RPS8: variants seen among roughly 807,000 people sequenced by gnomAD.
RPS8 encodes ribosomal protein S8.
For missense variants in RPS8, 141 were observed against 269.7 expected (o/e 0.52, Z 3.34); for synonymous variants, 100 against 100.7 (o/e 0.99, Z 0.04).
At chr1:44,776,954 T>TA (rs564989935) in intron 3 of RPS8, 180 bp downstream of exon 3, 2,276 of 498,468 alleles carry the variant, frequency 4.6e-3, no homozygotes, top group East Asian at 7.9e-3. Flanking sequence ...AGACTCTCAG[T>TA]AAAAAAAAAG....
chr1:44,777,427 G>A (rs1650897014), intron 3 of RPS8, 187 bp from the exon 4 acceptor site: 1 of 601,276 alleles, frequency 1.7e-6, no homozygotes, highest in South Asian at 2.0e-5. Flanking sequence ...AAAGACTGCG[G>A]GTTGCCAAAC....
At chr1:44,776,588 C>T (rs748466752) in intron 2 of RPS8, 87 bp from the exon 3 acceptor site, 13 of 1,084,834 alleles carry the variant, frequency 1.2e-5, no homozygotes, top group Admixed American at 8.4e-5. Context: ...GTTACACTGA[C>T]TGTTGCCTCC....
At position 44,776,765 on chromosome 1, in the gene RPS8, G is replaced by A. The variant is rs1295087612; in HGVS notation, c.202G>A (p.Gly68Ser). ...GTTGGACGTGGGGAATTTCTCCTGG[G>A]GCTCAGAGTGTGAGTGAGGCCCTTT... Reference protein sequence around the residue: ...LRLDVGNFSWGSECCTRKTRI... With the variant: ...LRLDVGNFSWSSECCTRKTRI... The change falls in exon 3 of 6, where the codon GGC becomes AGC. Residue 68 changes from glycine (G) to serine (S), a missense_variant. By Grantham distance (56) the Gly-to-Ser change is moderately conservative. Coordinates refer to ENST00000396651, the MANE Select transcript of RPS8 (RefSeq NM_001012.2). The A allele has an allele frequency of 6.2e-7, 1 of 1,608,808 alleles. No individual in the cohort carries two copies. The highest frequency in any genetic ancestry group is 1.1e-5 in the South Asian group (1 of 90,700).
chr1:44,775,898 C>A, intron 1 of RPS8, 136 bp from the exon 2 acceptor site: 1 of 878,502 alleles, frequency 1.1e-6, no homozygotes, highest in Non-Finnish European at 2.0e-6. Context: ...GCTGCATACT[C>A]CCGAGTGCGC....
chr1:44,777,021 C>T, intron 3 of RPS8: 1 of 404,932 alleles, frequency 2.5e-6, no homozygotes, highest in Non-Finnish European at 4.4e-6. Context: ...TGAAGTTTCT[C>T]CTTGCTGAAA....
intron 5 of RPS8, 140 bp downstream of exon 5, chr1:44,778,269 A>G: frequency 9.2e-7 from 1 of 1,089,214 alleles, no homozygotes; most frequent in Non-Finnish European, 1.4e-6. Flanking sequence ...CACAAAGGGG[A>G]ACGTTTGGTC....
At chr1:44,778,286 T>C in intron 5 of RPS8, 157 bp downstream of exon 5, 1 of 967,528 alleles carries the variant, frequency 1.0e-6, no homozygotes, top group Non-Finnish European at 1.7e-6. Flanking sequence ...GGTCACCCTA[T>C]TCGTATGAAG....
At chr1:44,777,510 C>T in intron 3 of RPS8, 104 bp from the exon 4 acceptor site, 2 of 884,888 alleles carry the variant, frequency 2.3e-6, no homozygotes, top group Middle Eastern at 2.3e-4. Context: ...GCTGAGAGTT[C>T]CCTTATTTCT....
intron 4 of RPS8, 41 bp downstream of exon 4, chr1:44,777,830 C>T (rs201608642): frequency 2.3e-4 from 372 of 1,603,272 alleles, no homozygotes; most frequent in Non-Finnish European, 3.0e-4. Flanking sequence ...GGAGGGCAGC[C>T]TGACTCCAGC....
chr1:44,776,182 C>T (rs1464683554), intron 2 of RPS8, 42 bp downstream of exon 2: 1 of 1,398,680 alleles, frequency 7.1e-7, no homozygotes, highest in Non-Finnish European at 9.8e-7. Flanking sequence ...AGGTCGCCTT[C>T]CCCCGCTCTC....
Position 44,778,746 on chromosome 1 carries a change from G to A in RPS8, c.*61G>A. 1 of 1,172,578 alleles carries A rather than the reference G, an allele frequency of 8.5e-7. No individual in the cohort carries two copies. The highest frequency in any genetic ancestry group is 2.4e-5 in the East Asian group (1 of 41,396). The allele number at this position is 1,172,578 out of a possible 1,614,324, so 72.6% of individuals were successfully genotyped here. A position where few individuals can be genotyped will look rare whatever the true frequency, so the allele number is the denominator to read the frequency against. ...TTTATTGTTTTGTTCCCACATTTAT[G>A]TTGCCTGAATATATGACTGTTTTCT... is the stretch of plus-strand genomic sequence containing the variant. On this transcript the variant is annotated 3_prime_UTR_variant, in exon 6 of 6. Transcript: ENST00000396651.
In RPS8 at chr1:44,776,050, C is replaced by T. The variant is rs1650838979; in HGVS notation, c.21C>T (p.Asn7=). Residue 7 remains asparagine, a synonymous_variant, in exon 2 of 6, where the codon AAC becomes AAT. Coordinates refer to ENST00000396651, the MANE Select transcript of RPS8 (RefSeq NM_001012.2). Reference sequence around the variant, plus strand: ...CACATGCAGGCATCTCTCGGGACAACTGGCACAAGCGCCGCAAAACCGGGG... The same window carrying T: ...CACATGCAGGCATCTCTCGGGACAATTGGCACAAGCGCCGCAAAACCGGGG... The part of the protein sequence containing the change: MGISRD[N]WHKRRKTGGK... The T allele has an allele frequency of 6.2e-7, 1 of 1,612,096 alleles. No individual in the cohort carries two copies. The highest frequency in any genetic ancestry group is 1.3e-5 in the African/African-American group (1 of 74,708).
At chr1:44,778,275 T>C in intron 5 of RPS8, 146 bp downstream of exon 5, 1 of 1,025,306 alleles carries the variant, frequency 9.8e-7, no homozygotes, top group East Asian at 2.4e-5. Context: ...GGGGAACGTT[T>C]GGTCACCCTA....
At chr1:44,776,316 A>T (rs968011210) in intron 2 of RPS8, among the ~76,000 whole-genome samples, 176 bp downstream of exon 2, 2 of 152,164 alleles carry the variant, frequency 1.3e-5, no homozygotes, top group African/African-American at 2.4e-5. Flanking sequence ...CAAAGAGGGA[A>T]TGCTCCCTCA....
At position 44,775,584 on chromosome 1, in the gene RPS8, C is replaced by A. The variant is rs772212068; in HGVS notation, c.-13C>A. 10 of 1,613,996 alleles carry A rather than the reference C, an allele frequency of 6.2e-6. No homozygotes were observed. The highest frequency in any genetic ancestry group is 1.7e-5 in the Admixed American group (1 of 60,010). On this transcript the variant is annotated 5_prime_UTR_variant, in exon 1 of 6. Coordinates refer to ENST00000396651, the MANE Select transcript of RPS8 (RefSeq NM_001012.2). ...GAATCTTTGCGGTTTCTCTTTCCAG[C>A]CAGCGCCGAGCGATGGGTGAGTGTC...
rs1013450256 is a variant in RPS8, at chr1:44,778,740, A to G, written c.*55A>G. On this transcript the variant is annotated 3_prime_UTR_variant, in exon 6 of 6. Coordinates refer to ENST00000396651, the MANE Select transcript of RPS8 (RefSeq NM_001012.2). ...AAGGTGTTTATTGTTTTGTTCCCAC[A>G]TTTATGTTGCCTGAATATATGACTG... The G allele has an allele frequency of 1.0e-4, 125 of 1,208,600 alleles. No individual in the cohort carries two copies. Among genetic ancestry groups the G allele is most frequent in the Non-Finnish European group, 1.4e-4 (122 of 843,750 alleles). The allele number at this position is 1,208,600 out of a possible 1,614,324, so 74.9% of individuals were successfully genotyped here.
In RPS8 at chr1:44,775,573, T is replaced by TC; in HGVS notation, c.-23dup. The TC allele has an allele frequency of 6.2e-7, 1 of 1,614,072 alleles. No homozygotes were observed. Among genetic ancestry groups the TC allele is most frequent in the Non-Finnish European group, 8.5e-7 (1 of 1,179,958 alleles). On this transcript the variant is annotated 5_prime_UTR_variant, in exon 1 of 6. Coordinates refer to ENST00000396651, the MANE Select transcript of RPS8 (RefSeq NM_001012.2). ...AACCGAACCGTGAATCTTTGCGGTT[T>TC]CTCTTTCCAGCCAGCGCCGAGCGAT... is the stretch of plus-strand genomic sequence containing the variant.
chr1:44,775,562 T>A lies in RPS8; in HGVS notation c.-35T>A. 1 of 1,613,940 alleles carries A rather than the reference T, an allele frequency of 6.2e-7. No homozygotes were observed. On this transcript the variant is annotated 5_prime_UTR_variant, in exon 1 of 6. Coordinates refer to ENST00000396651, the MANE Select transcript of RPS8 (RefSeq NM_001012.2). ...AGCGTTTTACAAACCGAACCGTGAA[T>A]CTTTGCGGTTTCTCTTTCCAGCCAG...
At chr1:44,776,248 T>G in intron 2 of RPS8, 108 bp downstream of exon 2, 1 of 778,104 alleles carries the variant, frequency 1.3e-6, no homozygotes, top group Non-Finnish European at 2.1e-6. Flanking sequence ...GGGCTCTGAT[T>G]TCTCTGTAGT....
Sources: gnomAD v4.1 joint callset for allele counts (sites outside exome capture counted in the v4.1 genomes callset) on GRCh38, gnomAD v4.1.1 for gene constraint, MANE v1.5 for transcripts, NCBI Gene and HGNC (gene_info 2026-07-23, HGNC 2026-07-21) for gene names.